Variants in NEK6 observed in about 807,000 individuals in gnomAD.
NEK6 encodes serine/threonine-protein kinase Nek6.
In NEK6, 27 loss-of-function variants were observed where a neutral mutation model predicts 43.5. The observed-to-expected ratio is 0.62, with a 90% CI of 0.46 to 0.86. NEK6 has a LOEUF of 0.86. NEK6 is among the 40% of genes least tolerant of loss of function. The pLI, the probability that NEK6 is intolerant of heterozygous loss-of-function variation, is 0.00. For missense variants in NEK6, 318 were observed against 414.4 expected (o/e 0.77, Z 2.02); for synonymous variants, 167 against 164.1 (o/e 1.02, Z -0.14).
intron 8 of NEK6, among the ~76,000 whole-genome samples, chr9:124,341,041 A>G (rs1829585596): frequency 1.3e-5 from 2 of 152,168 alleles, no homozygotes; most frequent in African/African-American, 2.4e-5. Flanking sequence ...ACTTCACAGC[A>G]TCTTTCTTTT....
chr9:124,320,440 GCATC>G (rs1834011012), intron 4 of NEK6, among the ~76,000 whole-genome samples: 1 of 152,222 alleles, frequency 6.6e-6, no homozygotes, highest in Non-Finnish European at 1.5e-5. Flanking sequence ...TGGGCACAGT[GCATC>G]CTTCTCCCAA....
chr9:124,303,692 A>T (rs1021352375), intron 2 of NEK6, among the ~76,000 whole-genome samples: 1 of 152,186 alleles, frequency 6.6e-6, no homozygotes, highest in Non-Finnish European at 1.5e-5. Flanking sequence ...CCTAGGTAGA[A>T]TTTGGGGAGG....
chr9:124,309,516 G>A (rs1833428192), intron 2 of NEK6, among the ~76,000 whole-genome samples: 1 of 152,180 alleles, frequency 6.6e-6, no homozygotes, highest in Admixed American at 6.5e-5. Flanking sequence ...CCCAAGAGGG[G>A]AGGGAGCCCA....
At chr9:124,339,744 C>A (rs912104967) in intron 8 of NEK6, 79 bp downstream of exon 8, 23 of 1,053,266 alleles carry the variant, frequency 2.2e-5, no homozygotes, top group Non-Finnish European at 3.4e-5. Context: ...GCTCACCCTA[C>A]CAGCTCAGGG....
At chr9:124,313,091 G>A (rs182167740) in intron 3 of NEK6, among the ~76,000 whole-genome samples, 1 of 152,304 alleles carries the variant, frequency 6.6e-6, no homozygotes, top group East Asian at 1.9e-4. Flanking sequence ...GGAGGAAGTA[G>A]GTCAAGCGGC....
chr9:124,320,650 G>T (rs905798249), intron 4 of NEK6, among the ~76,000 whole-genome samples: 5 of 152,200 alleles, frequency 3.3e-5, no homozygotes, highest in Non-Finnish European at 7.3e-5. Flanking sequence ...AGCCTGGAGG[G>T]CCTGACTTCC....
intron 9 of NEK6, 24 bp from the exon 10 acceptor site, chr9:124,350,813 A>T: frequency 3.2e-6 from 5 of 1,556,650 alleles, no homozygotes; most frequent in Non-Finnish European, 4.4e-6. Flanking sequence ...TCTTGAGAAT[A>T]ACACACCATT....
At chr9:124,299,709 C>T (rs1437492104) in intron 1 of NEK6, among the ~76,000 whole-genome samples, 1 of 152,090 alleles carries the variant, frequency 6.6e-6, no homozygotes, top group Admixed American at 6.6e-5. Context: ...ACCCATAATG[C>T]CCCTCCGTGT....
In NEK6 at chr9:124,350,898, A is replaced by ACGTG; in HGVS notation, c.895_898dup (p.His300ArgfsTer118). ...CCCCACCAGAGACCTGACATCGGAT[A>ACGTG]CGTGCACCAGGTGGCCAAGCAGATG... On this transcript the variant is annotated frameshift_variant, in exon 10 of 10. Transcript: ENST00000320246. LOFTEE classifies it high-confidence loss of function. The ACGTG allele has an allele frequency of 6.2e-7, 1 of 1,612,184 alleles. No individual in the cohort carries two copies. Among genetic ancestry groups the ACGTG allele is most frequent in the East Asian group, 2.2e-5 (1 of 44,890 alleles).
rs1370442068 is a variant in NEK6 at position 124,343,208 on chromosome 9, G to T, written c.717+3543G>T. Among the ~76,000 whole-genome samples, 5 of 151,618 alleles carry T rather than the reference G, an allele frequency of 3.3e-5. No individual in the cohort carries two copies. The highest frequency in any genetic ancestry group is 5.9e-5 in the Non-Finnish European group (4 of 67,872). On this transcript the variant is annotated intron_variant, in intron 8 of 9. Coordinates refer to ENST00000320246, the MANE Select transcript of NEK6 (RefSeq NM_014397.6). This position sits in a 1 kb window ranked among gnomAD's most constrained non-coding sequence, Gnocchi z 5.1. Reference sequence around the variant, plus strand: ...AGTGGGGCTGTGCGGCTCGCAGCTGGGGGGGCTGGACCACAGCCGGGGGGC... The same window carrying T: ...AGTGGGGCTGTGCGGCTCGCAGCTGTGGGGGCTGGACCACAGCCGGGGGGC...
Position 124,343,538 on chromosome 9 carries a change from C to A in NEK6, c.717+3873C>A, listed in dbSNP as rs1829763039. ...GCTCTGTGCCAAGTGACCCCCTCCC[C>A]ACTCCTGCAGTCCCTAAAGGGGAAG... On this transcript the variant is annotated intron_variant, in intron 8 of 9. Transcript: ENST00000320246. The surrounding 1 kb of genome is among the most constrained non-coding windows in gnomAD (Gnocchi z 5.1). 6.6e-6 allele frequency among the ~76,000 whole-genome samples: 1 copy of A among 152,166 alleles called. No individual in the cohort carries two copies. Among genetic ancestry groups the A allele is most frequent in the African/African-American group, 2.4e-5 (1 of 41,434 alleles).
chr9:124,324,735 G>A lies in NEK6; in HGVS notation c.406-1595G>A, dbSNP rs552052021. On this transcript the variant is annotated intron_variant, in intron 5 of 9. Coordinates refer to ENST00000320246, the MANE Select transcript of NEK6 (RefSeq NM_014397.6). This position sits in a 1 kb window ranked among gnomAD's most constrained non-coding sequence, Gnocchi z 5.3. ...TCAGAACAGCCTCGAGGGGATTTAC[G>A]GCGAGGTCAGGGGCTCCCCACTGCG... Among the ~76,000 whole-genome samples, 426 of 152,232 alleles carry A rather than the reference G, an allele frequency of 2.8e-3. 2 individuals carry two copies. The highest frequency in any genetic ancestry group is 9.5e-3 in the African/African-American group (393 of 41,548).
At chr9:124,282,452 C>T (rs1831957508) in intron 1 of NEK6, among the ~76,000 whole-genome samples, 1 of 152,224 alleles carries the variant, frequency 6.6e-6, no homozygotes, top group African/African-American at 2.4e-5. Flanking sequence ...AGGGCCTATG[C>T]CCCAGTTCCA....
intron 1 of NEK6, among the ~76,000 whole-genome samples, chr9:124,267,601 G>A (rs139003869): frequency 1.3e-5 from 2 of 152,376 alleles, no homozygotes; most frequent in South Asian, 2.1e-4. Flanking sequence ...TGGTGACAGC[G>A]TGGCATTTGG....
At chr9:124,332,397 C>T (rs1001984200) in intron 7 of NEK6, among the ~76,000 whole-genome samples, 6 of 152,140 alleles carry the variant, frequency 3.9e-5, no homozygotes, top group Non-Finnish European at 7.4e-5. Context: ...ATGGGGAGAC[C>T]GAGGCTGAGA....
rs759381068 is a variant in NEK6 at position 124,281,487 on chromosome 9, C to CTTTTTTTTTT, written c.-29-20428_-29-20419dup. 2.3e-4 allele frequency among the ~76,000 whole-genome samples: 24 copies of CTTTTTTTTTT among 102,950 alleles called. 2 individuals are homozygous for CTTTTTTTTTT. Among genetic ancestry groups the CTTTTTTTTTT allele is most frequent in the Non-Finnish European group, 3.0e-4 (16 of 52,522 alleles). The allele number at this position is 102,950 out of a possible 152,430, so 67.5% of individuals were successfully genotyped here. On this transcript the variant is annotated intron_variant, in intron 1 of 9. Coordinates refer to ENST00000320246, the MANE Select transcript of NEK6 (RefSeq NM_014397.6). ...CTACTTTCCATGTCAGCTGTTTTTT[C>CTTTTTTTTTT]TTTTTTTTTTTTTTTTTTTTTTTTT...
At chr9:124,263,610 C>T (rs1208022913) in intron 1 of NEK6, among the ~76,000 whole-genome samples, 1 of 152,218 alleles carries the variant, frequency 6.6e-6, no homozygotes, top group Non-Finnish European at 1.5e-5. Flanking sequence ...AGGACCCACC[C>T]AGGGTCACTC....
chr9:124,316,782 T>C (rs1217108578), intron 4 of NEK6, among the ~76,000 whole-genome samples: 1 of 152,210 alleles, frequency 6.6e-6, no homozygotes, highest in African/African-American at 2.4e-5. Context: ...GAGCCCTTCC[T>C]TAACCCCCTG....
At chr9:124,309,378 A>T (rs1833422018) in intron 2 of NEK6, among the ~76,000 whole-genome samples, 1 of 152,220 alleles carries the variant, frequency 6.6e-6, no homozygotes, top group African/African-American at 2.4e-5. Context: ...GTAGCCTCCC[A>T]GGACGGGCAG....
Sources: gnomAD v4.1 joint callset for allele counts (sites outside exome capture counted in the v4.1 genomes callset) on GRCh38, gnomAD v4.1.1 for gene constraint, Gnocchi (gnomAD v3.1) non-coding constraint, MANE v1.5 for transcripts, NCBI Gene and HGNC (gene_info 2026-07-23, HGNC 2026-07-21) for gene names.